Variants in BMP8B observed in about 807,000 individuals in gnomAD.
BMP8B encodes the protein bone morphogenetic protein 8 (osteogenic protein 2).
BMP8B carries 17 observed loss-of-function variants against 30.3 expected under a neutral mutation model. The observed-to-expected ratio is 0.56, with a 90% CI of 0.38 to 0.84. The LOEUF (loss-of-function observed/expected upper bound fraction) is 0.84, where lower values mean the gene tolerates loss of function less well. Among genes scored for constraint, BMP8B ranks in the 40% least tolerant of loss-of-function variants. BMP8B has a pLI of 0.00. For missense variants in BMP8B, 253 were observed against 494.6 expected, an observed-to-expected ratio of 0.51 and a Z score of 4.63; for synonymous variants, 131 against 214.7, an observed-to-expected ratio of 0.61 and a Z score of 3.41.
At chr1:39,780,427 C>T (rs908872058) in intron 1 of BMP8B, among the ~76,000 whole-genome samples, 1 of 152,242 alleles carries the variant, frequency 6.6e-6, no homozygotes, top group Non-Finnish European at 1.5e-5. Flanking sequence ...ACGACCTCTC[C>T]AAGCTGCAGA....
chr1:39,776,052 G>A (rs1424087365), intron 1 of BMP8B, among the ~76,000 whole-genome samples: 4 of 152,282 alleles, frequency 2.6e-5, no homozygotes, highest in Non-Finnish European at 5.9e-5. Context: ...TGCGAATCCC[G>A]GGCCAGGAGC....
At chr1:39,761,884 C>T (rs1239545623) in intron 6 of BMP8B, among the ~76,000 whole-genome samples, 4 of 152,252 alleles carry the variant, frequency 2.6e-5, no homozygotes, top group African/African-American at 7.2e-5. Flanking sequence ...TAGAGCGCAG[C>T]GCCTGTCTGT....
At chr1:39,777,978 C>T (rs1650348020) in intron 1 of BMP8B, among the ~76,000 whole-genome samples, 1 of 152,226 alleles carries the variant, frequency 6.6e-6, no homozygotes, top group Non-Finnish European at 1.5e-5. Flanking sequence ...TCTCCCGGCC[C>T]CCATGCCAGG....
In BMP8B at chr1:39,760,077, C is replaced by G; in HGVS notation, c.*342G>C. The G allele has an allele frequency of 3.1e-6, 1 of 317,976 alleles. No homozygotes were observed. Among genetic ancestry groups the G allele is most frequent in the South Asian group, 3.8e-5 (1 of 26,388 alleles). 19.7% of individuals were successfully genotyped at this position (317,976 alleles called of 1,614,324 possible). ...GGTCATTCCACATCTATCTCACGAC[C>G]TGAGCCAGTAAGGGGCATGGATAGG... On this transcript the variant is annotated 3_prime_UTR_variant, in exon 7 of 7. Transcript: ENST00000372827.
Position 39,760,310 on chromosome 1 carries a change from T to C in BMP8B, c.*109A>G. 1.7e-5 allele frequency: 26 copies of C among 1,521,052 alleles called. No individual in the cohort carries two copies. Among genetic ancestry groups the C allele is most frequent in the Non-Finnish European group, 2.1e-5 (24 of 1,128,656 alleles). 94.2% of individuals were successfully genotyped at this position (1,521,052 alleles called of 1,614,324 possible). ...GTCATGTACGTGGTTGTGAGGGTCC[T>C]CCCTGGCAATGCCCCGGCCTGGGGT... On this transcript the variant is annotated 3_prime_UTR_variant, in exon 7 of 7. Coordinates refer to ENST00000372827, the MANE Select transcript of BMP8B (RefSeq NM_001720.5).
At chr1:39,778,523 G>A (rs990753993) in intron 1 of BMP8B, among the ~76,000 whole-genome samples, 3 of 150,872 alleles carry the variant, frequency 2.0e-5, no homozygotes, top group Admixed American at 1.3e-4. Context: ...TCTCAGCACC[G>A]CCTCAAGGCG....
chr1:39,760,605 C>G (rs1394034256), intron 6 of BMP8B, 37 bp from the exon 7 acceptor site: 1 of 1,602,196 alleles, frequency 6.2e-7, no homozygotes, highest in South Asian at 1.1e-5. Flanking sequence ...GGCATGAGCC[C>G]AGTGGCCTCC....
At chr1:39,761,651 G>A (rs1016426706) in intron 6 of BMP8B, among the ~76,000 whole-genome samples, 2 of 152,036 alleles carry the variant, frequency 1.3e-5, no homozygotes, top group Non-Finnish European at 2.9e-5. Flanking sequence ...CCTTCTCCCT[G>A]CTGGCCCTGA....
chr1:39,778,104 C>T (rs1439142392), intron 1 of BMP8B, among the ~76,000 whole-genome samples: 6 of 152,240 alleles, frequency 3.9e-5, no homozygotes, highest in East Asian at 1.9e-4. Flanking sequence ...CCCTGTGTTT[C>T]GGGGCCCCAG....
rs551083158 is a variant in BMP8B at position 39,788,387 on chromosome 1, C to A, written c.99G>T (p.Gln33His). Residue 33 changes from glutamine to histidine, a missense_variant, in exon 1 of 7, where the codon CAG becomes CAT. Physicochemically the swap from Gln to His is conservative, Grantham distance 24. This residue lies in a region of BMP8B where 54 missense variants were observed against 70.8 expected (regional missense o/e 0.76). Transcript: ENST00000372827. The surrounding 1 kb of genome is among the most constrained non-coding windows in gnomAD (Gnocchi z 5.8). ...PGLRPPPGCP[Q>H]RRLGARERRD... ...GGCGCTCGCGCGCGCCCAGACGTCG[C>A]TGGGGACAGCCGGGCGGGGGTCGCA... is the stretch of plus-strand genomic sequence containing the variant. 4 of 1,105,648 alleles carry A rather than the reference C, an allele frequency of 3.6e-6. No homozygotes were observed. The highest frequency in any genetic ancestry group is 1.1e-4 in the East Asian group (2 of 18,360). 68.5% of individuals were successfully genotyped at this position (1,105,648 alleles called of 1,614,324 possible).
chr1:39,771,258 T>G, intron 3 of BMP8B: 1 of 1,512,836 alleles, frequency 6.6e-7, no homozygotes, highest in Non-Finnish European at 8.8e-7. Flanking sequence ...GCCGCCATAG[T>G]CGGCCCGGGT....
At chr1:39,786,954 CCT>C (rs370515250) in intron 1 of BMP8B, among the ~76,000 whole-genome samples, 122 of 152,352 alleles carry the variant, frequency 8.0e-4, no homozygotes, top group African/African-American at 2.7e-3. Context: ...GGCTCAGTCC[CCT>C]GTTTTCCTCA....
chr1:39,777,438 T>C (rs1007409671), intron 1 of BMP8B, among the ~76,000 whole-genome samples: 1 of 152,146 alleles, frequency 6.6e-6, no homozygotes, highest in African/African-American at 2.4e-5. Flanking sequence ...CCTCCAGCCT[T>C]GGATAAAGCA....
intron 1 of BMP8B, among the ~76,000 whole-genome samples, chr1:39,785,668 AC>A (rs2124513259): frequency 6.6e-6 from 1 of 152,018 alleles, no homozygotes; most frequent in African/African-American, 2.4e-5. Context: ...CACCACAGTG[AC>A]CCTGCTATTA....
At chr1:39,776,963 C>T (rs1278197291) in intron 1 of BMP8B, among the ~76,000 whole-genome samples, 1 of 152,114 alleles carries the variant, frequency 6.6e-6, no homozygotes, top group Non-Finnish European at 1.5e-5. Context: ...ACTGTAAATG[C>T]TATGAAGGAA....
chr1:39,762,876 A>G (rs979630731), intron 6 of BMP8B, among the ~76,000 whole-genome samples: 2 of 152,222 alleles, frequency 1.3e-5, no homozygotes, highest in African/African-American at 4.8e-5. Flanking sequence ...CTGTTCACGT[A>G]TGTCCGTGTT....
chr1:39,782,105 C>T (rs1385000036), intron 1 of BMP8B, among the ~76,000 whole-genome samples: 5 of 150,278 alleles, frequency 3.3e-5, no homozygotes, highest in South Asian at 2.1e-4. Context: ...GAGCCAAGAT[C>T]GCACCATTGC....
Position 39,782,333 on chromosome 1 carries a change from A to G in BMP8B, c.334+5819T>C, listed in dbSNP as rs149836348. Among the ~76,000 whole-genome samples the G allele has an allele frequency of 2.0e-5, 3 of 152,230 alleles. No individual in the cohort carries two copies. In the East Asian group the frequency reaches 5.8e-4, roughly 29 times the overall value. ...AGGATCTCACCCAGGCAGCCTGGTCAGATTCTGGAGCTATGCTTTTTACTA... is the reference window on the plus strand; with the variant it reads ...AGGATCTCACCCAGGCAGCCTGGTCGGATTCTGGAGCTATGCTTTTTACTA... On this transcript the variant is annotated intron_variant, in intron 1 of 6. Transcript: ENST00000372827.
At chr1:39,764,001 A>G in intron 4 of BMP8B, 1 of 608,178 alleles carries the variant, frequency 1.6e-6, no homozygotes, top group Non-Finnish European at 2.9e-6. Flanking sequence ...GGCTAGAGTG[A>G]CACTGTGCCC....
Sources: allele counts gnomAD v4.1 joint callset (sites outside exome capture counted in the v4.1 genomes callset), GRCh38; gene constraint gnomAD v4.1.1; regional missense constraint gnomAD v4.1.1; non-coding constraint Gnocchi (gnomAD v3.1); transcripts MANE v1.5; gene names NCBI Gene and HGNC (gene_info 2026-07-23, HGNC 2026-07-21).